Variants in SERPINE2 observed in about 807,000 individuals in gnomAD.
SERPINE2 encodes glia-derived nexin.
A neutral mutation model predicts 36.3 loss-of-function variants in SERPINE2; 14 were observed. The ratio of observed to expected loss-of-function variants is 0.39; its 90% CI spans 0.25 to 0.60. The LOEUF is 0.60. Among genes scored for constraint, SERPINE2 ranks in the 20% least tolerant of loss-of-function variants. SERPINE2 has a pLI of 0.57. For synonymous variants in SERPINE2, 192 were observed against 191.8 expected (o/e 1.00, Z -0.01); for missense variants, 418 against 499.6 (o/e 0.84, Z 1.56).
chr2:223,980,640 G>C, intron 6 of SERPINE2: 1 of 444,384 alleles, frequency 2.3e-6, no homozygotes, highest in Non-Finnish European at 4.1e-6. Flanking sequence ...AAATGATTTA[G>C]TGCCTCTATC....
intron 1 of SERPINE2, among the ~76,000 whole-genome samples, chr2:224,003,175 G>C (rs191207196): frequency 3.9e-5 from 6 of 152,218 alleles, no homozygotes; most frequent in Admixed American, 3.3e-4. Flanking sequence ...GGCAGAGGGA[G>C]AGCAGGGCCG....
At position 223,984,970 on chromosome 2, in the gene SERPINE2, G is replaced by T; in HGVS notation, c.686-20C>A. 2 of 1,611,678 alleles carry T rather than the reference G, an allele frequency of 1.2e-6. No individual in the cohort carries two copies. The highest frequency in any genetic ancestry group is 1.7e-6 in the Non-Finnish European group (2 of 1,177,790). On this transcript the variant is annotated intron_variant, in intron 4 of 8. Coordinates refer to ENST00000409304, the MANE Select transcript of SERPINE2 (RefSeq NM_001136528.2). ...TCGACCCTAAAGAAATCAGAAGCAG[G>T]TTCAGTGTATCCTTGTTGACTTCTA...
At chr2:224,031,571 G>A (rs992478522) in intron 1 of SERPINE2, 4 of 899,216 alleles carry the variant, frequency 4.4e-6, no homozygotes, top group Middle Eastern at 5.6e-4. Flanking sequence ...ACGTGACCTA[G>A]CATCAGCCAA....
chr2:223,996,027 A>C (rs929399929), intron 3 of SERPINE2, among the ~76,000 whole-genome samples: 6 of 152,228 alleles, frequency 3.9e-5, no homozygotes, highest in African/African-American at 1.4e-4. Flanking sequence ...ATTTCATTTC[A>C]GAATAGTAAA....
chr2:223,982,497 A>C, intron 6 of SERPINE2, 184 bp downstream of exon 6: 1 of 493,276 alleles, frequency 2.0e-6, no homozygotes, highest in South Asian at 3.1e-5. Context: ...AAAAGGAAAA[A>C]ATAAATAAAT....
chr2:223,993,528 A>ATGTGTGTGTGTGTG (rs1344521820), intron 3 of SERPINE2, among the ~76,000 whole-genome samples: 7 of 72,452 alleles, frequency 9.7e-5, no homozygotes, highest in African/African-American at 3.2e-4. Flanking sequence ...TAGCTCAAAT[A>ATGTGTGTGTGTGTG]TATGTGTGTG....
chr2:223,991,743 C>T (rs1690680055), intron 4 of SERPINE2, 60 bp downstream of exon 4: 2 of 1,551,650 alleles, frequency 1.3e-6, no homozygotes, highest in Non-Finnish European at 1.8e-6. Flanking sequence ...AGTTAAAGCA[C>T]TCAAGGGCCT....
intron 4 of SERPINE2, among the ~76,000 whole-genome samples, chr2:223,991,430 A>C (rs1304950513): frequency 6.6e-6 from 1 of 152,222 alleles, no homozygotes; most frequent in Non-Finnish European, 1.5e-5. Context: ...TAAAAAAAGA[A>C]ATCCAATTTT....
intron 1 of SERPINE2, among the ~76,000 whole-genome samples, chr2:224,008,558 G>A (rs1691506644): frequency 6.6e-6 from 1 of 152,288 alleles, no homozygotes; most frequent in East Asian, 1.9e-4. Context: ...CTCAAAATGA[G>A]CCTCTTCACA....
intron 1 of SERPINE2, chr2:224,030,267 C>G: frequency 1.0e-6 from 1 of 976,324 alleles, no homozygotes; most frequent in Non-Finnish European, 1.2e-6. Flanking sequence ...GAGAGTGCAG[C>G]AGGAAAGGTG....
chr2:224,029,216 A>G (rs933720603), intron 1 of SERPINE2, among the ~76,000 whole-genome samples: 3 of 152,256 alleles, frequency 2.0e-5, no homozygotes, highest in Non-Finnish European at 2.9e-5. Context: ...CATTTCAAAC[A>G]GAAAAATCCA....
intron 7 of SERPINE2, chr2:223,980,088 G>A: frequency 2.2e-6 from 1 of 451,788 alleles, no homozygotes; most frequent in East Asian, 3.7e-5. Context: ...TGTCCTAGAG[G>A]AATTTCTCTC....
chr2:223,996,579 C>T (rs767520632), intron 3 of SERPINE2, among the ~76,000 whole-genome samples: 34 of 152,208 alleles, frequency 2.2e-4, no homozygotes, highest in Non-Finnish European at 3.7e-4. Context: ...CAGAGGCAGA[C>T]TGGGAGTTGC....
At chr2:224,024,494 T>C (rs1381489804) in intron 1 of SERPINE2, among the ~76,000 whole-genome samples, 1 of 152,128 alleles carries the variant, frequency 6.6e-6, no homozygotes, top group Admixed American at 6.5e-5. Flanking sequence ...CCAGGGGACG[T>C]TTGCTATTTC....
At chr2:223,997,869 G>A (rs1320182568) in intron 3 of SERPINE2, among the ~76,000 whole-genome samples, 1 of 152,188 alleles carries the variant, frequency 6.6e-6, no homozygotes, top group Non-Finnish European at 1.5e-5. Context: ...GGCAAGGAGA[G>A]GAGACAGTGG....
chr2:224,006,409 T>G (rs1691426279), intron 1 of SERPINE2, among the ~76,000 whole-genome samples: 1 of 152,204 alleles, frequency 6.6e-6, no homozygotes, highest in South Asian at 2.1e-4. Flanking sequence ...TTCTCTCCCT[T>G]AGCCTCCACC....
intron 3 of SERPINE2, among the ~76,000 whole-genome samples, chr2:223,997,396 T>C (rs1048542811): frequency 6.6e-6 from 1 of 152,116 alleles, no homozygotes; most frequent in Non-Finnish European, 1.5e-5. Context: ...AATTTTTGTA[T>C]TTTTAGTAGA....
At chr2:224,022,020 A>G (rs1252679163) in intron 1 of SERPINE2, among the ~76,000 whole-genome samples, 3 of 151,912 alleles carry the variant, frequency 2.0e-5, no homozygotes, top group African/African-American at 4.8e-5. Context: ...TTAGCCGGGC[A>G]TGGTGGCGGG....
intron 3 of SERPINE2, among the ~76,000 whole-genome samples, chr2:223,997,742 G>A (rs1165018071): frequency 1.3e-5 from 2 of 152,182 alleles, no homozygotes; most frequent in Non-Finnish European, 2.9e-5. Flanking sequence ...CAACCTGGAA[G>A]GATGAGGAGG....
Sources: gnomAD v4.1 joint callset for allele counts (sites outside exome capture counted in the v4.1 genomes callset) on GRCh38, gnomAD v4.1.1 for gene constraint, MANE v1.5 for transcripts, NCBI Gene and HGNC (gene_info 2026-07-23, HGNC 2026-07-21) for gene names.